PMPCB: variants seen among roughly 807,000 people sequenced by gnomAD.
The protein encoded by PMPCB is mitochondrial-processing peptidase subunit beta.
In PMPCB, 46 loss-of-function variants were observed where a neutral mutation model predicts 61.5. The ratio of observed to expected loss-of-function variants is 0.75; its 90% CI spans 0.59 to 0.96. The LOEUF (loss-of-function observed/expected upper bound fraction) is 0.96. Among genes scored for constraint, PMPCB ranks in the 40% least tolerant of loss-of-function variants. The pLI is 0.00. For missense variants in PMPCB, 590 were observed against 602.4 expected, an observed-to-expected ratio of 0.98 and a Z score of 0.22; for synonymous variants, 191 against 201.6, an observed-to-expected ratio of 0.95 and a Z score of 0.44.
intron 12 of PMPCB, chr7:103,319,770 C>A (rs1563458834): frequency 8.7e-6 from 14 of 1,614,182 alleles, no homozygotes; most frequent in Non-Finnish European, 1.1e-5. Flanking sequence ...CCAGTTCAAG[C>A]CGATCACAAA....
At chr7:103,310,232 C>A in intron 8 of PMPCB, 83 bp from the exon 9 acceptor site, 1 of 1,021,008 alleles carries the variant, frequency 9.8e-7, no homozygotes, top group Non-Finnish European at 1.5e-6. Context: ...AGGATATTCA[C>A]TATTTTCCAC....
At chr7:103,345,103 T>C in the PMPCB span, 1 of 242,638 alleles carries the variant, frequency 4.1e-6, no homozygotes, top group East Asian at 7.9e-5. Flanking sequence ...TGAACCAGTA[T>C]CGACGACTAG....
At chr7:103,338,115 T>A in the PMPCB span, among the ~76,000 whole-genome samples, 1 of 151,792 alleles carries the variant, frequency 6.6e-6, no homozygotes, top group African/African-American at 2.4e-5. Context: ...AAAAAATTTT[T>A]AAAAATTAGC....
chr7:103,311,582 A>T (rs1817753380), intron 9 of PMPCB, 61 bp from the exon 10 acceptor site: 2 of 1,157,888 alleles, frequency 1.7e-6, no homozygotes, highest in Non-Finnish European at 2.6e-6. Flanking sequence ...CATCATTCTT[A>T]GGTCATTAAC....
intron 12 of PMPCB, chr7:103,322,670 A>G: frequency 6.2e-7 from 1 of 1,612,872 alleles, no homozygotes; most frequent in East Asian, 2.2e-5. Context: ...TTGAATTTCT[A>G]ACATTTAGGG....
chr7:103,311,832 T>C lies in PMPCB; in HGVS notation c.1265T>C (p.Ile422Thr), dbSNP rs1461200360. 2.0e-5 allele frequency: 32 copies of C among 1,613,124 alleles called. No homozygotes were observed. Among genetic ancestry groups the C allele is most frequent in the Non-Finnish European group, 2.5e-5 (30 of 1,179,392 alleles). ...GGTTCAACTCCAATTTGTGAAGATA[T>C]TGGTAGGCAAATGTTATGCTATAAT... ...LDGSTPICED[I>T]GRQMLCYNRR... Residue 422 changes from isoleucine to threonine, a missense_variant, in exon 11 of 13, where the codon ATT becomes ACT. By Grantham distance (89) the Ile-to-Thr change is moderately conservative. Transcript: ENST00000249269.
intron 12 of PMPCB, chr7:103,323,526 C>CA (rs1390034754): frequency 7.5e-7 from 1 of 1,338,470 alleles, no homozygotes; most frequent in Non-Finnish European, 9.8e-7. Flanking sequence ...ATTTACGTGA[C>CA]AATTTTTACA....
intron 9 of PMPCB, chr7:103,311,416 C>T (rs928091443): frequency 4.2e-5 from 23 of 551,268 alleles, no homozygotes; most frequent in Admixed American, 1.0e-4. Context: ...ATGTGATCAG[C>T]CCATTTGTAT....
chr7:103,299,365 G>T, intron 2 of PMPCB, 78 bp from the exon 3 acceptor site: 1 of 822,176 alleles, frequency 1.2e-6, no homozygotes, highest in Non-Finnish European at 1.9e-6. Flanking sequence ...GCATTTGTCA[G>T]AAAAAGGAAG....
Position 103,312,213 on chromosome 7 carries a change from T to C in PMPCB, c.1412T>C (p.Ile471Thr). The C allele has an allele frequency of 6.2e-7, 1 of 1,613,696 alleles. No individual in the cohort carries two copies. Among genetic ancestry groups the C allele is most frequent in the Non-Finnish European group, 8.5e-7 (1 of 1,179,918 alleles). Residue 471 changes from isoleucine (I) to threonine (T), a missense_variant, in exon 13 of 13, where the codon ATT becomes ACT. Transcript: ENST00000249269. ...TCTTCTTTTTAATCCTTAGGTCCCA[T>C]TAAGCAACTACCAGATTTTAAACAG... ...RSPAIAAVGPIKQLPDFKQIR... is the reference protein window; with the variant it reads ...RSPAIAAVGPTKQLPDFKQIR...
At chr7:103,341,780 T>A in the PMPCB span, 1 of 1,583,206 alleles carries the variant, frequency 6.3e-7, no homozygotes, top group Non-Finnish European at 8.6e-7. Flanking sequence ...GTCTTTGGGA[T>A]CAAGTGTTTT....
At chr7:103,319,531 T>A, downstream of PMPCB, 1 of 1,327,114 alleles carries the variant, frequency 7.5e-7, no homozygotes, top group Non-Finnish European at 1.1e-6. Flanking sequence ...ACTTGGTGAC[T>A]TATATATTAG....
chr7:103,318,844 T>C (rs1818220691), downstream of PMPCB, among the ~76,000 whole-genome samples: 2 of 152,246 alleles, frequency 1.3e-5, no homozygotes. Flanking sequence ...TTGTGATAGA[T>C]ACCACAAATC....
downstream of PMPCB, among the ~76,000 whole-genome samples, chr7:103,318,703 T>C (rs1317656255): frequency 1.3e-5 from 2 of 152,226 alleles, no homozygotes; most frequent in South Asian, 4.1e-4. Flanking sequence ...TTTTCTTATC[T>C]GTAAAATAAA....
chr7:103,311,601 T>TA, intron 9 of PMPCB, 42 bp from the exon 10 acceptor site: 2 of 1,435,360 alleles, frequency 1.4e-6, no homozygotes, highest in East Asian at 2.3e-5. Flanking sequence ...ACTCATGAAA[T>TA]ACAACATTTT....
chr7:103,322,236 G>A (rs1182172258), intron 12 of PMPCB, among the ~76,000 whole-genome samples: 1 of 152,046 alleles, frequency 6.6e-6, no homozygotes, highest in African/African-American at 2.4e-5. Context: ...AAGACAGCTG[G>A]TAAAGATCTA....
chr7:103,334,521 A>C, the PMPCB span, among the ~76,000 whole-genome samples: 1 of 151,770 alleles, frequency 6.6e-6, no homozygotes, highest in Non-Finnish European at 1.5e-5. Flanking sequence ...GGTTGCAGTG[A>C]GCCAAGATCA....
At chr7:103,297,655 G>C in intron 1 of PMPCB, 97 bp downstream of exon 1, 1 of 1,564,022 alleles carries the variant, frequency 6.4e-7, no homozygotes. Flanking sequence ...CAGTGGGTCG[G>C]GCAGGGCCTC....
intron 6 of PMPCB, among the ~76,000 whole-genome samples, chr7:103,305,967 GTTCA>G (rs1387116254): frequency 2.0e-5 from 3 of 152,110 alleles, no homozygotes; most frequent in African/African-American, 7.2e-5. Flanking sequence ...TGGTTCATGG[GTTCA>G]TTTTGACATA....
Sources: allele counts gnomAD v4.1 joint callset (sites outside exome capture counted in the v4.1 genomes callset), GRCh38; gene constraint gnomAD v4.1.1; transcripts MANE v1.5; gene names NCBI Gene and HGNC (gene_info 2026-07-23, HGNC 2026-07-21).